Variants in OPN3 observed in about 807,000 individuals in gnomAD.
OPN3 encodes opsin-3.
OPN3 carries 29 observed loss-of-function variants against 33.8 expected under a neutral mutation model. The observed-to-expected ratio is 0.86, with a 90% CI of 0.64 to 1.17. The LOEUF (loss-of-function observed/expected upper bound fraction) is 1.17, where lower values mean the gene tolerates loss of function less well. OPN3 is among the 50% of genes most tolerant of loss of function. The pLI, the probability that OPN3 is intolerant of heterozygous loss-of-function variation, is 0.00. For missense variants in OPN3, 437 were observed against 514.1 expected, an observed-to-expected ratio of 0.85 and a Z score of 1.45; for synonymous variants, 216 against 216.1, an observed-to-expected ratio of 1.00 and a Z score of 0.00.
At position 241,615,931 on chromosome 1, in the gene OPN3, T is replaced by C. The variant is rs1475178598; in HGVS notation, c.374-11352A>G. ...CTAGTGGCTGCCTGAAGCTGGCTGA[T>C]CCAACCTAGAGGCAAACGGACATTA... On this transcript the variant is annotated intron_variant, in intron 1 of 3. Transcript: ENST00000366554. The C allele has an allele frequency of 8.8e-6, 4 of 456,580 alleles. No homozygotes were observed. The East Asian group carries it at 2.8e-4, about 32-fold the overall frequency. 28.3% of individuals were successfully genotyped at this position (456,580 alleles called of 1,614,324 possible).
At chr1:241,632,524 C>A (rs1664681480) in intron 1 of OPN3, 1 of 152,084 alleles carries the variant, frequency 6.6e-6, no homozygotes, top group Non-Finnish European at 1.5e-5. Context: ...AGAGGAAAAG[C>A]AAGTTCATGT....
At chr1:241,630,621 G>T (rs1474296082) in intron 1 of OPN3, 1 of 151,820 alleles carries the variant, frequency 6.6e-6, no homozygotes, top group Non-Finnish European at 1.5e-5. Flanking sequence ...GCAATGACAG[G>T]TCTCTTTAAC....
chr1:241,629,203 C>T (rs1206079304), intron 1 of OPN3: 1 of 152,130 alleles, frequency 6.6e-6, no homozygotes, highest in African/African-American at 2.4e-5. Flanking sequence ...AAACTTTGTA[C>T]AAATAGCTTT....
At chr1:241,634,309 A>C (rs1340793254) in intron 1 of OPN3, 16 of 1,614,018 alleles carry the variant, frequency 9.9e-6, no homozygotes, top group Non-Finnish European at 1.3e-5. Flanking sequence ...GTACAGCACA[A>C]GCTCCTGGCT....
chr1:241,628,881 T>C (rs1307624687), intron 1 of OPN3: 1 of 152,616 alleles, frequency 6.6e-6, no homozygotes, highest in African/African-American at 2.4e-5. Context: ...ATTAATCTTT[T>C]ATTTTTTATT....
chr1:241,624,990 C>A (rs1664374917), intron 1 of OPN3, among the ~76,000 whole-genome samples: 1 of 152,192 alleles, frequency 6.6e-6, no homozygotes, highest in East Asian at 1.9e-4. Context: ...AATATAGCAA[C>A]CATTGGCATC....
intron 2 of OPN3, among the ~76,000 whole-genome samples, chr1:241,602,887 T>C (rs577473355): frequency 6.6e-6 from 1 of 152,314 alleles, no homozygotes; most frequent in South Asian, 2.1e-4. Context: ...ATATTTGATA[T>C]GCTCAATAAA....
intron 1 of OPN3, among the ~76,000 whole-genome samples, chr1:241,605,289 AG>A (rs1275974083): frequency 3.3e-5 from 5 of 151,976 alleles, no homozygotes; most frequent in Non-Finnish European, 7.4e-5. Flanking sequence ...GTAAAGTCAA[AG>A]GGGGTTGCAA....
rs1663411150 is a variant in OPN3 at position 241,593,893 on chromosome 1, CTT to C, written c.*533_*534del. Reference sequence around the variant, plus strand: ...ATTCAAAGTTGTCTCTGAAACTCCTCTTTGTCATACTGCACATATAAAACGTC... The same window carrying C: ...ATTCAAAGTTGTCTCTGAAACTCCTCTGTCATACTGCACATATAAAACGTC... On this transcript the variant is annotated 3_prime_UTR_variant, in exon 4 of 4. Coordinates refer to ENST00000366554, the MANE Select transcript of OPN3 (RefSeq NM_014322.3). The C allele has an allele frequency of 6.5e-6, 1 of 154,022 alleles. No homozygotes were observed. Among genetic ancestry groups the C allele is most frequent in the South Asian group, 2.0e-4 (1 of 4,970 alleles). 9.5% of individuals were successfully genotyped at this position (154,022 alleles called of 1,614,324 possible). A position where few individuals can be genotyped will look rare whatever the true frequency, so the allele number is the denominator to read the frequency against.
rs551842840 is a variant in OPN3 at position 241,634,427 on chromosome 1, G to A, written c.373+5455C>T. On this transcript the variant is annotated intron_variant, in intron 1 of 3. Transcript: ENST00000366554. ...AGAGATCTGCTTATACTGCACATTT[G>A]AGCATGTTTCCTCAGAAAGGTAACT... 34 of 1,613,568 alleles carry A rather than the reference G, an allele frequency of 2.1e-5. No individual in the cohort carries two copies. The highest frequency in any genetic ancestry group is 3.3e-4 in the Middle Eastern group (2 of 6,084).
rs752474104 is a variant in OPN3, at chr1:241,634,594, C to T, written c.373+5288G>A. The T allele has an allele frequency of 1.5e-5, 24 of 1,613,698 alleles. No individual in the cohort carries two copies. In the African/African-American group the frequency reaches 2.5e-4, roughly 17 times the overall value. ...AGATTCCACCAAAAACTGCACACATCCTACAGAAACCCTGGGGAATTTCTC... is the reference window on the plus strand; with the variant it reads ...AGATTCCACCAAAAACTGCACACATTCTACAGAAACCCTGGGGAATTTCTC... On this transcript the variant is annotated intron_variant, in intron 1 of 3. Coordinates refer to ENST00000366554, the MANE Select transcript of OPN3 (RefSeq NM_014322.3).
chr1:241,594,848 T>TCAC, intron 3 of OPN3, 157 bp from the exon 4 acceptor site: 4 of 719,362 alleles, frequency 5.6e-6, no homozygotes, highest in Non-Finnish European at 9.1e-6. Flanking sequence ...TCTACCTAAA[T>TCAC]CACCCCAGAG....
At chr1:241,639,795 G>A in intron 1 of OPN3, 87 bp downstream of exon 1, 1 of 1,280,444 alleles carries the variant, frequency 7.8e-7, no homozygotes, top group Non-Finnish European at 1.0e-6. Context: ...GTGCGGGGCG[G>A]GCTGGGGGGC....
chr1:241,609,801 T>C (rs563755875), intron 1 of OPN3, among the ~76,000 whole-genome samples: 1 of 152,188 alleles, frequency 6.6e-6, no homozygotes, highest in Non-Finnish European at 1.5e-5. Flanking sequence ...CTTGAATTAT[T>C]GCAAGAGTGC....
chr1:241,635,841 T>C, intron 1 of OPN3: 1 of 1,426,444 alleles, frequency 7.0e-7, no homozygotes, highest in Non-Finnish European at 9.5e-7. Flanking sequence ...ATAAAATCTG[T>C]CCTTCTGATG....
chr1:241,611,682 CCTA>C (rs1198687290), intron 1 of OPN3, among the ~76,000 whole-genome samples: 19 of 152,274 alleles, frequency 1.2e-4, no homozygotes, highest in African/African-American at 4.1e-4. Flanking sequence ...TAAGGACTCT[CCTA>C]GAAAACCCTT....
intron 1 of OPN3, chr1:241,634,746 G>T: frequency 6.2e-7 from 1 of 1,613,950 alleles, no homozygotes; most frequent in Non-Finnish European, 8.5e-7. Context: ...GCAATTGAGT[G>T]CAGTACAAAA....
At chr1:241,639,766 CG>C (rs1665042576) in intron 1 of OPN3, 115 bp downstream of exon 1, 1 of 965,152 alleles carries the variant, frequency 1.0e-6, no homozygotes, top group Non-Finnish European at 1.3e-6. Flanking sequence ...GCGGGGGGCG[CG>C]GGGCCGAGCG....
At chr1:241,634,994 T>G in intron 1 of OPN3, 1 of 1,613,668 alleles carries the variant, frequency 6.2e-7, no homozygotes, top group Non-Finnish European at 8.5e-7. Flanking sequence ...ATTTTTAAAT[T>G]CTACATAACG....
Sources: allele counts gnomAD v4.1 joint callset (sites outside exome capture counted in the v4.1 genomes callset), GRCh38; gene constraint gnomAD v4.1.1; transcripts MANE v1.5; gene names NCBI Gene and HGNC (gene_info 2026-07-23, HGNC 2026-07-21).